The following ESRRG variants were observed in gnomAD, a reference collection of about 807,000 sequenced individuals.
The protein encoded by ESRRG is estrogen-related receptor gamma.
Under a neutral mutation model 44.0 loss-of-function variants are expected in ESRRG, and 13 were observed. The ratio of observed to expected loss-of-function variants is 0.30; its 90% CI spans 0.19 to 0.47. ESRRG has a LOEUF of 0.47. Among genes scored for constraint, ESRRG ranks in the 20% least tolerant of loss-of-function variants. ESRRG has a pLI of 1.00. For missense variants in ESRRG, 395 were observed against 580.6 expected, an observed-to-expected ratio of 0.68 and a Z score of 3.29; for synonymous variants, 215 against 214.6, an observed-to-expected ratio of 1.00 and a Z score of -0.02.
chr1:217,078,642 C>G (rs1438666051), intron 1 of ESRRG, among the ~76,000 whole-genome samples: 1 of 152,216 alleles, frequency 6.6e-6, no homozygotes, highest in African/African-American at 2.4e-5. Context: ...ATTCTCGGGA[C>G]TTATACGTAG....
chr1:217,026,368 A>G (rs2081177694), intron 1 of ESRRG, among the ~76,000 whole-genome samples: 1 of 152,238 alleles, frequency 6.6e-6, no homozygotes. Flanking sequence ...AATCAGTCAC[A>G]TTTATTAGAA....
At chr1:216,866,904 T>A (rs1023414175) in intron 2 of ESRRG, among the ~76,000 whole-genome samples, 3 of 152,240 alleles carry the variant, frequency 2.0e-5, no homozygotes, top group African/African-American at 7.2e-5. Flanking sequence ...TTCTTTATTT[T>A]CTGCTACATA....
chr1:217,085,678 A>G (rs2092046608), intron 1 of ESRRG, among the ~76,000 whole-genome samples: 1 of 151,616 alleles, frequency 6.6e-6, no homozygotes, highest in Non-Finnish European at 1.5e-5. Context: ...TTTGGTAGAG[A>G]CAGGGTTTCA....
chr1:216,556,010 A>T, intron 5 of ESRRG, among the ~76,000 whole-genome samples: 1 of 152,098 alleles, frequency 6.6e-6, no homozygotes, highest in East Asian at 1.9e-4. Flanking sequence ...TCTATGCATC[A>T]TGTTCTGCAC....
intron 2 of ESRRG, among the ~76,000 whole-genome samples, chr1:216,808,179 C>T (rs2094858240): frequency 6.6e-6 from 1 of 151,980 alleles, no homozygotes; most frequent in Non-Finnish European, 1.5e-5. Context: ...CAAATATGCT[C>T]CAAAAGTTTT....
At chr1:217,012,073 A>C (rs1276978050) in intron 1 of ESRRG, among the ~76,000 whole-genome samples, 1 of 152,098 alleles carries the variant, frequency 6.6e-6, no homozygotes, top group Admixed American at 6.6e-5. Context: ...CACAAATATA[A>C]ATGTAAAGTA....
chr1:216,523,005 T>A lies in ESRRG; in HGVS notation c.863-3584A>T, dbSNP rs186640083. On this transcript the variant is annotated intron_variant, in intron 5 of 6. Coordinates refer to ENST00000408911, the MANE Select transcript of ESRRG (RefSeq NM_001438.4). ...CTTTCCCAAGTGAAATAAAATATGC[T>A]TTGCAGTTGTGTCGTTTGAACTTCA... Among the ~76,000 whole-genome samples, 26 of 152,310 alleles carry A rather than the reference T, an allele frequency of 1.7e-4. No individual in the cohort carries two copies. The East Asian group carries it at 4.1e-3, about 24-fold the overall frequency.
chr1:216,532,496 G>C (rs996900926), intron 5 of ESRRG, among the ~76,000 whole-genome samples: 2 of 152,176 alleles, frequency 1.3e-5, no homozygotes, highest in Non-Finnish European at 2.9e-5. Context: ...GAGCTGCTCT[G>C]TCATTTTCAC....
intron 2 of ESRRG, among the ~76,000 whole-genome samples, chr1:216,778,057 C>CGGATCAA (rs1308215959): frequency 6.6e-6 from 1 of 151,908 alleles, no homozygotes; most frequent in Admixed American, 6.6e-5. Flanking sequence ...TATCTGGTCT[C>CGGATCAA]GGATCAATAG....
rs1015681148 is a variant in ESRRG, at chr1:216,814,708, C to A, written c.-14+124874G>T. On this transcript the variant is annotated intron_variant, in intron 2 of 7. Transcript: ENST00000359162. ...TCCAGCACACCTTCACAACTATAAA[C>A]TGTAAACATTTCTCTGCCTTTTTCT... Among the ~76,000 whole-genome samples the A allele has an allele frequency of 6.6e-5, 10 of 152,304 alleles. No individual in the cohort carries two copies. The South Asian group carries it at 2.1e-3, about 32-fold the overall frequency.
At chr1:216,740,945 A>G (rs1043217029) in intron 2 of ESRRG, among the ~76,000 whole-genome samples, 3 of 151,766 alleles carry the variant, frequency 2.0e-5, no homozygotes, top group African/African-American at 7.3e-5. Context: ...TTCTGAATTT[A>G]ACTATTTCAT....
intron 1 of ESRRG, among the ~76,000 whole-genome samples, chr1:216,947,246 C>A (rs1047972944): frequency 6.6e-6 from 1 of 152,048 alleles, no homozygotes; most frequent in Non-Finnish European, 1.5e-5. Flanking sequence ...TGGTTCTAGG[C>A]GCTTTACATT....
intron 1 of ESRRG, among the ~76,000 whole-genome samples, chr1:216,961,108 A>G (rs1200714831): frequency 6.6e-6 from 1 of 152,188 alleles, no homozygotes. Flanking sequence ...AGAGTTTACA[A>G]AAAAGACGTT....
intron 2 of ESRRG, among the ~76,000 whole-genome samples, chr1:216,880,248 A>G (rs2096422175): frequency 7.6e-6 from 1 of 130,768 alleles, no homozygotes; most frequent in Non-Finnish European, 1.6e-5. Flanking sequence ...CAGAGGTTGC[A>G]GTGTGCCAAG....
intron 1 of ESRRG, among the ~76,000 whole-genome samples, chr1:217,051,433 C>T (rs2151243546): frequency 6.6e-6 from 1 of 152,272 alleles, no homozygotes; most frequent in East Asian, 1.9e-4. Flanking sequence ...TCTTGGGCTT[C>T]TCCAGGCAAA....
chr1:216,762,853 A>C (rs2092870637), intron 2 of ESRRG, among the ~76,000 whole-genome samples: 1 of 152,116 alleles, frequency 6.6e-6, no homozygotes, highest in African/African-American at 2.4e-5. Flanking sequence ...AGGGAATACC[A>C]ATATAAGTGT....
chr1:216,703,659 A>ATGTG (rs67638063), intron 1 of ESRRG, among the ~76,000 whole-genome samples: 123 of 148,976 alleles, frequency 8.3e-4, no homozygotes, highest in African/African-American at 2.7e-3. Flanking sequence ...AGCTGGATAG[A>ATGTG]TGTGTGTGTG....
At chr1:216,553,257 C>T (rs2056821308) in intron 5 of ESRRG, among the ~76,000 whole-genome samples, 1 of 152,192 alleles carries the variant, frequency 6.6e-6, no homozygotes, top group Non-Finnish European at 1.5e-5. Flanking sequence ...AGGCCCAGCA[C>T]TTCAGGTAAT....
intron 1 of ESRRG, among the ~76,000 whole-genome samples, chr1:217,017,861 C>A (rs1446553922): frequency 6.6e-6 from 1 of 152,148 alleles, no homozygotes. Context: ...ATTGCATAAC[C>A]CCTTAGCAGG....
Sources: gnomAD v4.1 joint callset for allele counts (sites outside exome capture counted in the v4.1 genomes callset) on GRCh38, gnomAD v4.1.1 for gene constraint, MANE v1.5 for transcripts, NCBI Gene and HGNC (gene_info 2026-07-23, HGNC 2026-07-21) for gene names.